The following EPHA4 variants were observed in gnomAD, a reference collection of about 807,000 sequenced individuals.
EPHA4 encodes the protein ephrin type-A receptor 4.
A neutral mutation model predicts 108.3 loss-of-function variants in EPHA4; 19 were observed. The ratio of observed to expected loss-of-function variants is 0.18; its 90% CI spans 0.12 to 0.26. The LOEUF is 0.26. Among genes scored for constraint, EPHA4 ranks in the 10% least tolerant of loss-of-function variants. EPHA4 has a pLI of 1.00. For synonymous variants in EPHA4, 449 were observed against 455.5 expected (o/e 0.99, Z 0.18); for missense variants, 917 against 1,254.0 (o/e 0.73, Z 4.06).
At chr2:221,472,298 T>C (rs1313435306) in intron 5 of EPHA4, among the ~76,000 whole-genome samples, 1 of 51,612 alleles carries the variant, frequency 1.9e-5, no homozygotes, top group Non-Finnish European at 4.6e-5. Flanking sequence ...GCACTTATTT[T>C]ACAAAAAAAA....
At chr2:221,456,852 T>C in intron 6 of EPHA4, 80 bp from the exon 7 acceptor site, 2 of 1,487,900 alleles carry the variant, frequency 1.3e-6, no homozygotes, top group East Asian at 4.6e-5. Flanking sequence ...ATTAAAGGAG[T>C]CAAGCCAGTC....
chr2:221,483,827 T>C (rs931458570), intron 4 of EPHA4, among the ~76,000 whole-genome samples: 5 of 151,862 alleles, frequency 3.3e-5, no homozygotes, highest in Admixed American at 6.6e-5. Flanking sequence ...GGCAAAAAAA[T>C]TGTGACACAA....
Position 221,425,778 on chromosome 2 carries a change from T to G in EPHA4, c.*250A>C, listed in dbSNP as rs938757408. The G allele has an allele frequency of 3.0e-5, 14 of 468,552 alleles. No individual in the cohort carries two copies. The South Asian group carries it at 4.0e-4, about 14-fold the overall frequency. 29.0% of individuals were successfully genotyped at this position (468,552 alleles called of 1,614,324 possible). ...CTATAGGTACATGTATTTTACAGAC[T>G]GGTGATGAACAGAAAAGTACTTCTG... is the stretch of plus-strand genomic sequence containing the variant. On this transcript the variant is annotated 3_prime_UTR_variant, in exon 17 of 18. Transcript: ENST00000281821.
At chr2:221,541,214 T>G (rs1340182401) in intron 3 of EPHA4, among the ~76,000 whole-genome samples, 1 of 152,146 alleles carries the variant, frequency 6.6e-6, no homozygotes, top group Non-Finnish European at 1.5e-5. Context: ...CCTCTCAAAG[T>G]GCTGGGATTA....
chr2:221,522,953 T>G (rs1198713869), intron 3 of EPHA4, among the ~76,000 whole-genome samples: 1 of 152,108 alleles, frequency 6.6e-6, no homozygotes, highest in East Asian at 1.9e-4. Context: ...GGTTTCACCA[T>G]GTTCGCCAGG....
chr2:221,444,874 C>CG (rs949839693), intron 9 of EPHA4, among the ~76,000 whole-genome samples: 2 of 148,818 alleles, frequency 1.3e-5, no homozygotes, highest in Non-Finnish European at 3.0e-5. Context: ...TCTCGTGCCT[C>CG]AGCCTCCTGA....
At position 221,497,673 on chromosome 2, in the gene EPHA4, T is replaced by C. The variant is rs186686120; in HGVS notation, c.979+3344A>G. Among the ~76,000 whole-genome samples the C allele has an allele frequency of 3.4e-3, 508 of 150,376 alleles. 5 individuals are homozygous for C. Among genetic ancestry groups the C allele is most frequent in the African/African-American group, 0.012 (491 of 40,836 alleles). ...GAATCACAAACCCGGGAGGTGGAGG[T>C]TGCAGTGAGCCGAGATCACACCACT... On this transcript the variant is annotated intron_variant, in intron 4 of 17. Coordinates refer to ENST00000281821, the MANE Select transcript of EPHA4 (RefSeq NM_004438.5).
chr2:221,456,172 TAA>T (rs79021977), intron 7 of EPHA4, among the ~76,000 whole-genome samples: 6 of 140,592 alleles, frequency 4.3e-5, no homozygotes, highest in Admixed American at 7.1e-5. Context: ...AAAGGGTCTT[TAA>T]AAAAAAAAAA....
intron 5 of EPHA4, among the ~76,000 whole-genome samples, chr2:221,473,569 A>AG (rs1262208977): frequency 9.3e-5 from 14 of 150,740 alleles, no homozygotes; most frequent in African/African-American, 3.4e-4. Context: ...AAAAAAAAAA[A>AG]AAAAACTATT....
chr2:221,425,881 A>G lies in EPHA4; in HGVS notation c.*147T>C. ...GCCCCACAGTTTCAGCAATCTGTGCACCAAGCAACGCTGCAGATATTGTTT... is the reference window on the plus strand; with the variant it reads ...GCCCCACAGTTTCAGCAATCTGTGCGCCAAGCAACGCTGCAGATATTGTTT... On this transcript the variant is annotated 3_prime_UTR_variant, in exon 17 of 18. Coordinates refer to ENST00000281821, the MANE Select transcript of EPHA4 (RefSeq NM_004438.5). The G allele has an allele frequency of 1.4e-6, 1 of 699,008 alleles. No homozygotes were observed. The highest frequency in any genetic ancestry group is 2.5e-5 in the East Asian group (1 of 39,318). The allele number at this position is 699,008 out of a possible 1,614,324, so 43.3% of individuals were successfully genotyped here. A position where few individuals can be genotyped will look rare whatever the true frequency, so the allele number is the denominator to read the frequency against.
intron 3 of EPHA4, among the ~76,000 whole-genome samples, chr2:221,555,932 G>C (rs991934727): frequency 2.0e-5 from 3 of 152,066 alleles, no homozygotes; most frequent in Non-Finnish European, 4.4e-5. Context: ...AAGTTTTTAG[G>C]GCTTGATTTC....
intron 2 of EPHA4, among the ~76,000 whole-genome samples, chr2:221,567,324 C>T (rs528836197): frequency 2.0e-5 from 3 of 152,294 alleles, no homozygotes; most frequent in South Asian, 4.1e-4. Flanking sequence ...GGGAAAGCCT[C>T]GCCTGAATCA....
intron 3 of EPHA4, chr2:221,502,533 T>C (rs1297321957): frequency 6.4e-6 from 3 of 471,320 alleles, no homozygotes; most frequent in Admixed American, 2.3e-5. Context: ...CTTACTGAAA[T>C]GAGTACTAGA....
chr2:221,572,268 T>C lies in EPHA4; in HGVS notation c.-20A>G, dbSNP rs748791275. On this transcript the variant is annotated 5_prime_UTR_variant, in exon 1 of 18. Transcript: ENST00000281821. ...AGCCATGGTTCGCCGGTGCCAACGC[T>C]GCTCCTGCCGCTTCTATCCCAGTGG... The C allele has an allele frequency of 1.9e-6, 3 of 1,596,906 alleles. No homozygotes were observed. Among genetic ancestry groups the C allele is most frequent in the South Asian group, 2.2e-5 (2 of 90,722 alleles).
chr2:221,463,658 C>T (rs560160116), intron 5 of EPHA4, among the ~76,000 whole-genome samples: 9 of 152,314 alleles, frequency 5.9e-5, no homozygotes, highest in African/African-American at 2.2e-4. Flanking sequence ...CAAAGCTCAG[C>T]AGTTCTCCTT....
At chr2:221,446,258 T>C in intron 8 of EPHA4, 77 bp from the exon 9 acceptor site, 1 of 842,458 alleles carries the variant, frequency 1.2e-6, no homozygotes, top group East Asian at 3.0e-5. Context: ...AGACAAATTC[T>C]TTGCTACTGT....
intron 8 of EPHA4, among the ~76,000 whole-genome samples, chr2:221,449,663 G>C: frequency 6.6e-6 from 1 of 152,170 alleles, no homozygotes. Flanking sequence ...CTCAACCAAC[G>C]TGCTGTTCCT....
intron 8 of EPHA4, among the ~76,000 whole-genome samples, chr2:221,448,159 T>C (rs1003156457): frequency 6.7e-6 from 1 of 150,348 alleles, no homozygotes; most frequent in Non-Finnish European, 1.5e-5. Context: ...ATTATTTAAT[T>C]GCATCTTCAT....
At chr2:221,546,122 G>A (rs1693989567) in intron 3 of EPHA4, among the ~76,000 whole-genome samples, 1 of 152,222 alleles carries the variant, frequency 6.6e-6, no homozygotes, top group South Asian at 2.1e-4. Context: ...AAGGCATGGA[G>A]ACCTCAGAAT....
Sources: allele counts gnomAD v4.1 joint callset (sites outside exome capture counted in the v4.1 genomes callset), GRCh38; gene constraint gnomAD v4.1.1; transcripts MANE v1.5; gene names NCBI Gene and HGNC (gene_info 2026-07-23, HGNC 2026-07-21).